Variants in PARD3B observed in about 807,000 individuals in gnomAD.
PARD3B encodes par-3 family cell polarity regulator beta.
A neutral mutation model predicts 130.2 loss-of-function variants in PARD3B; 103 were observed. The ratio of observed to expected loss-of-function variants is 0.79; its 90% confidence interval spans 0.67 to 0.93. The LOEUF is 0.93. PARD3B is among the 40% of genes least tolerant of loss of function. PARD3B has a pLI of 0.00. For synonymous variants in PARD3B, 583 were observed against 553.2 expected (o/e 1.05, Z -0.76); for missense variants, 1,609 against 1,499.2 (o/e 1.07, Z -1.21).
At chr2:205,370,641 A>G (rs1218772785) in intron 18 of PARD3B, among the ~76,000 whole-genome samples, 1 of 152,198 alleles carries the variant, frequency 6.6e-6, no homozygotes, top group Non-Finnish European at 1.5e-5. Flanking sequence ...TGATGTTTCT[A>G]CTGCTAAGAA....
At chr2:205,556,077 C>T (rs2106506056) in intron 22 of PARD3B, among the ~76,000 whole-genome samples, 1 of 152,250 alleles carries the variant, frequency 6.6e-6, no homozygotes, top group South Asian at 2.1e-4. Flanking sequence ...GCCAGCTCCA[C>T]CGCTGTCTCC....
At chr2:204,911,901 G>A (rs2047250668) in intron 2 of PARD3B, among the ~76,000 whole-genome samples, 1 of 151,866 alleles carries the variant, frequency 6.6e-6, no homozygotes, top group African/African-American at 2.4e-5. Context: ...ACTTCATAAA[G>A]CTGGAAAAAA....
At chr2:204,853,167 G>A (rs2044779340) in intron 2 of PARD3B, among the ~76,000 whole-genome samples, 2 of 151,576 alleles carry the variant, frequency 1.3e-5, no homozygotes, top group Middle Eastern at 3.5e-3. Flanking sequence ...ATTTTATCAG[G>A]TATTACTATA....
chr2:205,098,776 G>A (rs966199691), intron 4 of PARD3B, among the ~76,000 whole-genome samples: 1 of 152,050 alleles, frequency 6.6e-6, no homozygotes, highest in Admixed American at 6.6e-5. Context: ...AGTTGTTAGC[G>A]CTAGTGCTAA....
chr2:205,228,532 C>A (rs13382936), intron 15 of PARD3B, among the ~76,000 whole-genome samples: 1 of 151,932 alleles, frequency 6.6e-6, no homozygotes, highest in African/African-American at 2.4e-5. Flanking sequence ...CTTTTGGGAT[C>A]CTTTCTGTAT....
intron 1 of PARD3B, among the ~76,000 whole-genome samples, chr2:204,569,321 A>G (rs1259384577): frequency 6.6e-6 from 1 of 152,232 alleles, no homozygotes; most frequent in Non-Finnish European, 1.5e-5. Context: ...ACTTAGATTT[A>G]GATGCTATAT....
At position 204,567,204 on chromosome 2, in the gene PARD3B, A is replaced by AT. The variant is rs201182003; in HGVS notation, c.120+21094dup. Among the ~76,000 whole-genome samples the AT allele has an allele frequency of 5.3e-3, 794 of 150,832 alleles. 10 individuals carry two copies. The highest frequency in any genetic ancestry group is 7.2e-3 in the Non-Finnish European group (489 of 67,638). The stretch of plus-strand genomic sequence containing the variant: ...CTCTAATCCTCCTCTTTTATGTTGG[A>AT]TTTTTTTTTCGTTAAAACGTACATA... On this transcript the variant is annotated intron_variant, in intron 1 of 22. Coordinates refer to ENST00000406610, the MANE Select transcript of PARD3B (RefSeq NM_001302769.2).
At chr2:205,254,760 G>A (rs984034037) in intron 16 of PARD3B, among the ~76,000 whole-genome samples, 1 of 151,252 alleles carries the variant, frequency 6.6e-6, no homozygotes, top group Admixed American at 6.6e-5. Flanking sequence ...GCCCCCCGGG[G>A]TTCACGCCAT....
chr2:205,241,066 A>G lies in PARD3B; in HGVS notation c.2141-4712A>G, dbSNP rs2039331122. Among the ~76,000 whole-genome samples, 1 of 152,148 alleles carries G rather than the reference A, an allele frequency of 6.6e-6. No individual in the cohort carries two copies. Among genetic ancestry groups the G allele is most frequent in the African/African-American group, 2.4e-5 (1 of 41,446 alleles). ...GTGAAAAGACACAGACTGTTTATTT[A>G]TGCTTTTTAAAAAGATGCCATTGAT... On this transcript the variant is annotated intron_variant, in intron 15 of 22. Coordinates refer to ENST00000406610, the MANE Select transcript of PARD3B (RefSeq NM_001302769.2). This position sits in a 1 kb window ranked among gnomAD's most constrained non-coding sequence, Gnocchi z 4.2.
At chr2:204,927,348 CCTT>C (rs1687698949) in intron 2 of PARD3B, among the ~76,000 whole-genome samples, 1 of 152,074 alleles carries the variant, frequency 6.6e-6, no homozygotes, top group Non-Finnish European at 1.5e-5. Flanking sequence ...AGAGAGATCT[CCTT>C]CTCCTTCCAC....
intron 2 of PARD3B, among the ~76,000 whole-genome samples, chr2:204,722,679 TCCTTGTTA>T (rs1368430837): frequency 1.3e-5 from 2 of 152,196 alleles, no homozygotes. Context: ...CTGGGTTTGG[TCCTTGTTA>T]ATAAGGAAGG....
rs4045004 is a variant in PARD3B, at chr2:205,126,752, CAAAAAAAAAAAAAAAA to C, written c.1434+1035_1434+1050del. 1.6e-3 allele frequency among the ~76,000 whole-genome samples: 119 copies of C among 74,454 alleles called. 1 individual carries two copies. The highest frequency in any genetic ancestry group is 4.1e-3 in the East Asian group (10 of 2,440). The allele number at this position is 74,454 out of a possible 152,430, so 48.8% of individuals were successfully genotyped here. ...TGGGCGACAGAGCGAGACTCCGTCT[CAAAAAAAAAAAAAAAA>C]AAAAAAAAAAAAAAAAAAATTGATA... On this transcript the variant is annotated intron_variant, in intron 10 of 22. Transcript: ENST00000406610.
chr2:205,267,832 T>G (rs1223217651), intron 16 of PARD3B, among the ~76,000 whole-genome samples: 1 of 152,186 alleles, frequency 6.6e-6, no homozygotes, highest in African/African-American at 2.4e-5. Context: ...TCTAAGCATG[T>G]CCTTCAGTCT....
intron 15 of PARD3B, among the ~76,000 whole-genome samples, chr2:205,221,062 T>C (rs2038212321): frequency 6.6e-6 from 1 of 152,148 alleles, no homozygotes; most frequent in Non-Finnish European, 1.5e-5. Flanking sequence ...AAGATTTTTG[T>C]TTTGGTTTGG....
chr2:204,894,035 A>G (rs1017527686), intron 2 of PARD3B, among the ~76,000 whole-genome samples: 3 of 151,948 alleles, frequency 2.0e-5, no homozygotes, highest in Admixed American at 1.3e-4. Context: ...CTAAGACCTT[A>G]TCTTAAACTC....
Position 205,040,738 on chromosome 2 carries a change from A to G in PARD3B, c.395-6843A>G, listed in dbSNP as rs183794533. ...GTAAAAAATTTACCAACTTACATGTATTTTAATTCAGAGCATTTTCTTCTG... is the reference window on the plus strand; with the variant it reads ...GTAAAAAATTTACCAACTTACATGTGTTTTAATTCAGAGCATTTTCTTCTG... On this transcript the variant is annotated intron_variant, in intron 3 of 22. Transcript: ENST00000406610. 8.1e-4 allele frequency among the ~76,000 whole-genome samples: 124 copies of G among 152,272 alleles called. 3 individuals are homozygous for G. In the East Asian group the frequency reaches 0.019, roughly 23 times the overall value.
At chr2:205,239,946 G>A (rs11893793) in intron 15 of PARD3B, among the ~76,000 whole-genome samples, 1 of 152,154 alleles carries the variant, frequency 6.6e-6, no homozygotes, top group South Asian at 2.1e-4. Context: ...GTGTGTGTGG[G>A]TGTGGGTGTG....
At chr2:204,665,472 T>C (rs753003475) in intron 1 of PARD3B, among the ~76,000 whole-genome samples, 5 of 152,136 alleles carry the variant, frequency 3.3e-5, no homozygotes, top group African/African-American at 4.8e-5. Flanking sequence ...CCTCAACCAG[T>C]GGATGAAAAA....
chr2:204,826,491 T>A (rs543184533), intron 2 of PARD3B, among the ~76,000 whole-genome samples: 9 of 152,310 alleles, frequency 5.9e-5, no homozygotes, highest in African/African-American at 2.2e-4. Flanking sequence ...TCTGTTTTTA[T>A]GTATCTATGG....
Sources: gnomAD v4.1 joint callset for allele counts (sites outside exome capture counted in the v4.1 genomes callset) on GRCh38, gnomAD v4.1.1 for gene constraint, Gnocchi (gnomAD v3.1) non-coding constraint, MANE v1.5 for transcripts, NCBI Gene and HGNC (gene_info 2026-07-23, HGNC 2026-07-21) for gene names.